The following MALRD1 variants were observed in gnomAD, a reference collection of about 807,000 sequenced individuals.
The protein encoded by MALRD1 is MAM and LDL-receptor class A domain-containing protein 1.
In MALRD1, 247 loss-of-function variants were observed where a neutral mutation model predicts 242.1. The observed-to-expected ratio is 1.02, with a 90% CI of 0.92 to 1.13. The LOEUF (loss-of-function observed/expected upper bound fraction) is 1.13. Ranked by LOEUF, MALRD1 falls within the 50% of genes most tolerant of loss-of-function variation. The probability of loss-of-function intolerance (pLI) is 0.00; values close to 1 mark genes in which losing one functional copy is unlikely to be tolerated. For synonymous variants in MALRD1, 995 were observed against 866.6 expected, an observed-to-expected ratio of 1.15 and a Z score of -2.60; for missense variants, 2,989 against 2,533.1, an observed-to-expected ratio of 1.18 and a Z score of -3.86.
At chr10:19,704,630 T>G (rs1833780588) in intron 38 of MALRD1, among the ~76,000 whole-genome samples, 1 of 152,142 alleles carries the variant, frequency 6.6e-6, no homozygotes, top group South Asian at 2.1e-4. Context: ...GATGTGAAAG[T>G]GATGTGGAGC....
At chr10:19,556,588 C>T (rs1367217598) in intron 32 of MALRD1, among the ~76,000 whole-genome samples, 3 of 152,102 alleles carry the variant, frequency 2.0e-5, no homozygotes, top group East Asian at 1.9e-4. Context: ...CTTTTCATGG[C>T]TTGATACCTC....
chr10:19,331,476 T>TG lies in MALRD1; in HGVS notation c.3796dup (p.Asp1266GlyfsTer3), dbSNP rs1265258564. ...TGCTTAGCCCAGAGAGAAAGTGTAC[T>TG]GATCATGAATTCATGTGTGCTAATA... On this transcript the variant is annotated frameshift_variant, in exon 24 of 40. Transcript: ENST00000454679. LOFTEE classifies it high-confidence loss of function. 1 of 1,550,494 alleles carries TG rather than the reference T, an allele frequency of 6.4e-7. No homozygotes were observed. The highest frequency in any genetic ancestry group is 1.2e-5 in the South Asian group (1 of 84,054).
intron 21 of MALRD1, among the ~76,000 whole-genome samples, chr10:19,300,852 G>A (rs1841922414): frequency 6.6e-6 from 1 of 151,988 alleles, no homozygotes; most frequent in African/African-American, 2.4e-5. Context: ...AACAAAAATT[G>A]ACAAGTGAGA....
chr10:19,631,536 T>C (rs942777661), intron 36 of MALRD1, among the ~76,000 whole-genome samples: 2 of 152,182 alleles, frequency 1.3e-5, no homozygotes, highest in African/African-American at 4.8e-5. Flanking sequence ...GATCCAATGG[T>C]AGCTCTGTTT....
Position 19,097,248 on chromosome 10 carries a change from G to T in MALRD1, c.598-6731G>T, listed in dbSNP as rs553363148. 5.3e-5 allele frequency among the ~76,000 whole-genome samples: 8 copies of T among 152,102 alleles called. No homozygotes were observed. In the East Asian group the frequency reaches 1.4e-3, roughly 26 times the overall value. ...AATCCCATACCAGCTTAGACTCTAG[G>T]GTAGTTTGATTTCAGATCTCAATTA... On this transcript the variant is annotated intron_variant, in intron 4 of 39. Coordinates refer to ENST00000454679, the MANE Select transcript of MALRD1 (RefSeq NM_001142308.3).
intron 26 of MALRD1, among the ~76,000 whole-genome samples, chr10:19,385,847 C>G (rs887565668): frequency 6.6e-6 from 1 of 151,910 alleles, no homozygotes. Context: ...TCTTTTTTAA[C>G]GTAGGTATTT....
At chr10:19,721,797 C>G (rs1834768417) in intron 38 of MALRD1, 1 of 152,240 alleles carries the variant, frequency 6.6e-6, no homozygotes, top group African/African-American at 2.4e-5. Context: ...GCACTCTGCT[C>G]ATCTTCAGGG....
intron 5 of MALRD1, among the ~76,000 whole-genome samples, chr10:19,116,975 G>A (rs1836891753): frequency 6.6e-6 from 1 of 151,638 alleles, no homozygotes; most frequent in Non-Finnish European, 1.5e-5. Flanking sequence ...GGCCCCTGTA[G>A]TCCCAGCTAC....
At position 19,306,602 on chromosome 10, in the gene MALRD1, T is replaced by G. The variant is rs145607029; in HGVS notation, c.3420-17347T>G. 7.8e-3 allele frequency among the ~76,000 whole-genome samples: 1,175 copies of G among 149,786 alleles called. 14 individuals are homozygous for G. Among genetic ancestry groups the G allele is most frequent in the Non-Finnish European group, 0.013 (897 of 67,322 alleles). ...TATATATACTGTATATATACTTAAT[T>G]GTGTATATATATATGTACTTAAATG... On this transcript the variant is annotated intron_variant, in intron 21 of 39. Transcript: ENST00000454679.
chr10:19,732,648 C>A (rs554217789), intron 39 of MALRD1, among the ~76,000 whole-genome samples: 2 of 152,318 alleles, frequency 1.3e-5, no homozygotes, highest in East Asian at 1.9e-4. Flanking sequence ...AAAGTGAGAT[C>A]TTTTCAATTT....
chr10:19,328,534 G>A (rs542682930), intron 23 of MALRD1, among the ~76,000 whole-genome samples: 4 of 152,104 alleles, frequency 2.6e-5, no homozygotes, highest in Non-Finnish European at 4.4e-5. Flanking sequence ...TGCAGCTGGG[G>A]TAGCCAAGTT....
At chr10:19,308,005 A>G (rs1842286437) in intron 21 of MALRD1, among the ~76,000 whole-genome samples, 1 of 151,588 alleles carries the variant, frequency 6.6e-6, no homozygotes, top group African/African-American at 2.4e-5. Flanking sequence ...CCATTCCTTC[A>G]AGAATTTATC....
At chr10:19,077,057 CTTT>C (rs1835340509) in intron 2 of MALRD1, among the ~76,000 whole-genome samples, 1 of 151,852 alleles carries the variant, frequency 6.6e-6, no homozygotes, top group South Asian at 2.1e-4. Flanking sequence ...TTTGAGGCAA[CTTT>C]AAATGAGATT....
chr10:19,684,040 GT>G, intron 36 of MALRD1, among the ~76,000 whole-genome samples: 1 of 152,212 alleles, frequency 6.6e-6, no homozygotes, highest in African/African-American at 2.4e-5. Context: ...TTGGTTTTCT[GT>G]TCCTGTGTTC....
intron 29 of MALRD1, among the ~76,000 whole-genome samples, chr10:19,469,071 T>C (rs1836367272): frequency 6.6e-6 from 1 of 152,102 alleles, no homozygotes; most frequent in Non-Finnish European, 1.5e-5. Context: ...AGCAGACCAA[T>C]TAAATCATTC....
intron 18 of MALRD1, among the ~76,000 whole-genome samples, chr10:19,242,245 A>G (rs1181324277): frequency 1.3e-5 from 2 of 152,186 alleles, no homozygotes. Flanking sequence ...TTATAAAACC[A>G]TCAGATCTTG....
At chr10:19,178,764 G>A (rs1000058358) in intron 14 of MALRD1, among the ~76,000 whole-genome samples, 3 of 152,192 alleles carry the variant, frequency 2.0e-5, no homozygotes, top group Non-Finnish European at 4.4e-5. Flanking sequence ...GATGCAGGTT[G>A]TATTTCATCC....
chr10:19,401,004 A>G (rs555639206), intron 28 of MALRD1, among the ~76,000 whole-genome samples: 1 of 152,264 alleles, frequency 6.6e-6, no homozygotes, highest in Non-Finnish European at 1.5e-5. Context: ...TGACAGAGGG[A>G]GACTATGTCT....
chr10:19,177,145 T>A (rs1478998937), intron 14 of MALRD1, among the ~76,000 whole-genome samples: 3 of 151,746 alleles, frequency 2.0e-5, no homozygotes, highest in African/African-American at 7.3e-5. Flanking sequence ...CAGGGCATGG[T>A]GGCGGGCACC....
Sources: gnomAD v4.1 joint callset for allele counts (sites outside exome capture counted in the v4.1 genomes callset) on GRCh38, gnomAD v4.1.1 for gene constraint, MANE v1.5 for transcripts, NCBI Gene and HGNC (gene_info 2026-07-23, HGNC 2026-07-21) for gene names.